DYNC2H1: variants seen among roughly 807,000 people sequenced by gnomAD.
The protein encoded by DYNC2H1 is cytoplasmic dynein 2 heavy chain 1.
DYNC2H1 carries 410 observed loss-of-function variants against 570.0 expected under a neutral mutation model. The ratio of observed to expected loss-of-function variants is 0.72; its 90% CI spans 0.66 to 0.78. DYNC2H1 has a LOEUF of 0.78. DYNC2H1 is among the 30% of genes least tolerant of loss of function. DYNC2H1 has a pLI of 0.00. For missense variants in DYNC2H1, 4,865 were observed against 5,046.4 expected (o/e 0.96, Z 1.09); for synonymous variants, 1,688 against 1,677.6 (o/e 1.01, Z -0.15).
At position 103,319,662 on chromosome 11, in the gene DYNC2H1, G is replaced by A. The variant is rs1487094794; in HGVS notation, c.11726-1367G>A. ...ATAAAATTTGTTTTGAGAAAAATAGGTAGAAAAAAATAAGATTTTCTTATA... is the reference window on the plus strand; with the variant it reads ...ATAAAATTTGTTTTGAGAAAAATAGATAGAAAAAAATAAGATTTTCTTATA... On this transcript the variant is annotated intron_variant, in intron 80 of 88. Transcript: ENST00000375735. The surrounding 1 kb of genome is among the most constrained non-coding windows in gnomAD (Gnocchi z 4.3). Among the ~76,000 whole-genome samples, 1 of 151,952 alleles carries A rather than the reference G, an allele frequency of 6.6e-6. No individual in the cohort carries two copies. Among genetic ancestry groups the A allele is most frequent in the African/African-American group, 2.4e-5 (1 of 41,408 alleles).
intron 83 of DYNC2H1, among the ~76,000 whole-genome samples, chr11:103,399,263 C>T (rs1354115829): frequency 1.3e-5 from 2 of 150,844 alleles, no homozygotes; most frequent in Non-Finnish European, 2.9e-5. Flanking sequence ...CTGCCTCAAC[C>T]TCTTGAGTGG....
chr11:103,247,396 G>A (rs1469140617), intron 65 of DYNC2H1, among the ~76,000 whole-genome samples: 1 of 152,020 alleles, frequency 6.6e-6, no homozygotes, highest in East Asian at 1.9e-4. Context: ...TGTTGTCTCT[G>A]TTTTCAAGAG....
At chr11:103,463,305 T>A (rs1434623566) in intron 87 of DYNC2H1, among the ~76,000 whole-genome samples, 1 of 152,130 alleles carries the variant, frequency 6.6e-6, no homozygotes, top group Non-Finnish European at 1.5e-5. Flanking sequence ...GAGCTATAAG[T>A]CCAGAATTAG....
In DYNC2H1 at chr11:103,109,453, G is replaced by T. The variant is rs1858002396; in HGVS notation, c.-122G>T. The T allele has an allele frequency of 3.1e-6, 3 of 979,030 alleles. No homozygotes were observed. In the African/African-American group the frequency reaches 4.9e-5, roughly 16 times the overall value. 60.6% of individuals were successfully genotyped at this position (979,030 alleles called of 1,614,324 possible). The stretch of plus-strand genomic sequence containing the variant: ...AGCGACTACCCCTGGCAACCGCGAA[G>T]CTCTGCGGTCCCGCGGTCGGGCTAC... On this transcript the variant is annotated 5_prime_UTR_variant, in exon 1 of 89. Coordinates refer to ENST00000375735, the MANE Select transcript of DYNC2H1 (RefSeq NM_001377.3).
chr11:103,115,042 G>A (rs1011385999), intron 3 of DYNC2H1, 135 bp from the exon 4 acceptor site: 26 of 517,910 alleles, frequency 5.0e-5, no homozygotes, highest in Non-Finnish European at 8.3e-5. Context: ...AAACAATAAG[G>A]AAGTGTCACC....
chr11:103,295,301 G>A (rs1463485134), intron 75 of DYNC2H1, among the ~76,000 whole-genome samples: 11 of 152,120 alleles, frequency 7.2e-5, no homozygotes, highest in Admixed American at 6.5e-4. Context: ...GTAATGAGGA[G>A]GAAATTAAAG....
intron 79 of DYNC2H1, among the ~76,000 whole-genome samples, chr11:103,313,895 A>G (rs1321982315): frequency 6.6e-6 from 1 of 152,184 alleles, no homozygotes; most frequent in Non-Finnish European, 1.5e-5. Context: ...TCAAAGAATC[A>G]CACCTAAAAA....
At chr11:103,190,575 G>T (rs578196544) in intron 45 of DYNC2H1, among the ~76,000 whole-genome samples, 1 of 152,272 alleles carries the variant, frequency 6.6e-6, no homozygotes, top group South Asian at 2.1e-4. Context: ...TGTCTTCTTA[G>T]ATAAAGGGAA....
Position 103,244,198 on chromosome 11 carries a change from C to G in DYNC2H1, c.9918+407C>G, listed in dbSNP as rs1200840375. Among the ~76,000 whole-genome samples the G allele has an allele frequency of 2.0e-5, 3 of 152,048 alleles. No individual in the cohort carries two copies. Among genetic ancestry groups the G allele is most frequent in the Admixed American group, 6.6e-5 (1 of 15,252 alleles). The stretch of plus-strand genomic sequence containing the variant: ...ATATTTACAGTTTCTCTGAATGCCT[C>G]TCATAATTTCCAATTTCTTTAACTC... On this transcript the variant is annotated intron_variant, in intron 64 of 88. Coordinates refer to ENST00000375735, the MANE Select transcript of DYNC2H1 (RefSeq NM_001377.3). The surrounding 1 kb of genome is among the most constrained non-coding windows in gnomAD (Gnocchi z 4.3).
At chr11:103,322,356 A>G (rs1938254057) in intron 81 of DYNC2H1, among the ~76,000 whole-genome samples, 1 of 152,190 alleles carries the variant, frequency 6.6e-6, no homozygotes, top group Non-Finnish European at 1.5e-5. Flanking sequence ...AAATGTATAC[A>G]TCCTAAGTGC....
rs201296595 is a variant in DYNC2H1, at chr11:103,243,292, GATAGATAGATAGATAA to G, written c.9820-395_9820-380del. Among the ~76,000 whole-genome samples the G allele has an allele frequency of 0.071, 10,189 of 144,120 alleles. 398 individuals carry two copies. The highest frequency in any genetic ancestry group is 0.097 in the South Asian group (425 of 4,384). 94.5% of individuals were successfully genotyped at this position (144,120 alleles called of 152,430 possible). A position where few individuals can be genotyped will look rare whatever the true frequency, so the allele number is the denominator to read the frequency against. ...AGATAGATAGATAGATAGATAGATA[GATAGATAGATAGATAA>G]ATAGAGAATAATTTGACTGTGTATT... On this transcript the variant is annotated intron_variant, in intron 63 of 88. Transcript: ENST00000375735. This position sits in a 1 kb window ranked among gnomAD's most constrained non-coding sequence, Gnocchi z 4.8.
At chr11:103,229,772 G>T (rs929156964) in intron 59 of DYNC2H1, among the ~76,000 whole-genome samples, 23 of 152,180 alleles carry the variant, frequency 1.5e-4, no homozygotes, top group Middle Eastern at 3.4e-3. Context: ...ATCTTCCATG[G>T]TAGAAAGAGT....
At chr11:103,296,038 TAC>T (rs1373055953) in intron 75 of DYNC2H1, among the ~76,000 whole-genome samples, 2 of 152,184 alleles carry the variant, frequency 1.3e-5, no homozygotes, top group Non-Finnish European at 2.9e-5. Flanking sequence ...TTTCCTCCCC[TAC>T]GCACACAGAT....
chr11:103,432,067 C>CT lies in DYNC2H1; in HGVS notation c.12367-3869dup, dbSNP rs576340654. ...CCGAGCACCAAACAGCAACCATGAC[C>CT]TTTTTTTGGTGGAAGTTGGCTTTGG... On this transcript the variant is annotated intron_variant, in intron 84 of 88. Transcript: ENST00000375735. 9.8e-4 allele frequency among the ~76,000 whole-genome samples: 149 copies of CT among 152,130 alleles called. No homozygotes were observed. The East Asian group carries it at 0.012, about 12-fold the overall frequency.
chr11:103,315,644 C>G (rs1291574420), intron 79 of DYNC2H1, among the ~76,000 whole-genome samples: 5 of 152,008 alleles, frequency 3.3e-5, no homozygotes, highest in African/African-American at 1.2e-4. Flanking sequence ...ATTAGGGTGA[C>G]TTTCCCTCTC....
chr11:103,458,324 G>A (rs2135814744), intron 87 of DYNC2H1, among the ~76,000 whole-genome samples: 1 of 152,230 alleles, frequency 6.6e-6, no homozygotes, highest in South Asian at 2.1e-4. Flanking sequence ...ATCTAGCCTA[G>A]GTATGTAGTA....
At position 103,439,696 on chromosome 11, in the gene DYNC2H1, ACT is replaced by A. The variant is rs1018902783; in HGVS notation, c.12456+3669_12456+3670del. On this transcript the variant is annotated intron_variant, in intron 85 of 88. Coordinates refer to ENST00000375735, the MANE Select transcript of DYNC2H1 (RefSeq NM_001377.3). This position sits in a 1 kb window ranked among gnomAD's most constrained non-coding sequence, Gnocchi z 4.1. ...GAGTCTTGCAGGCAGCCTTGCATTC[ACT>A]CTCTGGTTTCTGTAAGATCCTTTAG... 4.6e-5 allele frequency among the ~76,000 whole-genome samples: 7 copies of A among 151,754 alleles called. No homozygotes were observed. The highest frequency in any genetic ancestry group is 1.0e-4 in the Non-Finnish European group (7 of 67,938).
intron 84 of DYNC2H1, among the ~76,000 whole-genome samples, chr11:103,422,704 A>G (rs1436207669): frequency 6.6e-6 from 1 of 152,178 alleles, no homozygotes; most frequent in Non-Finnish European, 1.5e-5. Context: ...ATAGAGAGCC[A>G]TATATGACAA....
intron 75 of DYNC2H1, among the ~76,000 whole-genome samples, chr11:103,293,487 A>G (rs1369767635): frequency 6.6e-6 from 1 of 151,950 alleles, no homozygotes; most frequent in Non-Finnish European, 1.5e-5. Context: ...CTCTGTTATT[A>G]TTTCTTTGAA....
Sources: allele counts gnomAD v4.1 joint callset (sites outside exome capture counted in the v4.1 genomes callset), GRCh38; gene constraint gnomAD v4.1.1; non-coding constraint Gnocchi (gnomAD v3.1); transcripts MANE v1.5; gene names NCBI Gene and HGNC (gene_info 2026-07-23, HGNC 2026-07-21).